Variants in MRTFB observed in about 807,000 individuals in gnomAD.
MRTFB encodes myocardin-related transcription factor B.
MRTFB carries 29 observed loss-of-function variants against 104.2 expected under a neutral mutation model. That is an observed-to-expected ratio of 0.28 (90% CI 0.21 to 0.38). The LOEUF (loss-of-function observed/expected upper bound fraction) is 0.38. Ranked by LOEUF, MRTFB falls within the 10% of genes least tolerant of loss-of-function variation. The pLI is 1.00. For missense variants in MRTFB, 1,270 were observed against 1,341.6 expected, an observed-to-expected ratio of 0.95 and a Z score of 0.83; for synonymous variants, 535 against 519.5, an observed-to-expected ratio of 1.03 and a Z score of -0.41.
chr16:14,081,808 T>C (rs2141874327), intron 2 of MRTFB, among the ~76,000 whole-genome samples: 1 of 152,226 alleles, frequency 6.6e-6, no homozygotes, highest in Middle Eastern at 3.4e-3. Flanking sequence ...TCTCAGACTC[T>C]GGGCTCAAGC....
intron 3 of MRTFB, chr16:14,186,783 G>A: frequency 2.0e-6 from 3 of 1,528,178 alleles, no homozygotes; most frequent in Non-Finnish European, 2.6e-6. Flanking sequence ...GACATAATTG[G>A]CCAGTGATTG....
At chr16:14,113,081 T>C (rs2036359180) in intron 2 of MRTFB, among the ~76,000 whole-genome samples, 1 of 152,262 alleles carries the variant, frequency 6.6e-6, no homozygotes, top group Non-Finnish European at 1.5e-5. Context: ...TTCACTCTTG[T>C]TGCCTAGGCT....
chr16:14,218,148 C>T (rs2041508312), intron 7 of MRTFB, among the ~76,000 whole-genome samples: 1 of 152,172 alleles, frequency 6.6e-6, no homozygotes, highest in Non-Finnish European at 1.5e-5. Context: ...TAAACTCTGC[C>T]TCCCGGGTTC....
intron 6 of MRTFB, 103 bp downstream of exon 6, chr16:14,213,723 C>A: frequency 2.3e-6 from 2 of 855,450 alleles, no homozygotes; most frequent in Non-Finnish European, 3.6e-6. Flanking sequence ...TTTTAACCCA[C>A]AGCCTTACTT....
At chr16:14,103,250 C>T (rs1387389785) in intron 2 of MRTFB, among the ~76,000 whole-genome samples, 2 of 152,196 alleles carry the variant, frequency 1.3e-5, no homozygotes, top group African/African-American at 4.8e-5. Context: ...TACTCATCTC[C>T]ATATCCCAGC....
chr16:14,017,669 G>GTGTA, the MRTFB span, among the ~76,000 whole-genome samples: 1 of 9,970 alleles, frequency 1.0e-4, no homozygotes, highest in Non-Finnish European at 3.3e-4. Context: ...GTGTGTATTT[G>GTGTA]TGTGTGTGTG....
intron 1 of MRTFB, 124 bp downstream of exon 1, chr16:14,071,489 C>A (rs2033686323): frequency 6.6e-6 from 1 of 152,668 alleles, no homozygotes; most frequent in Admixed American, 6.6e-5. Flanking sequence ...CCCTGTTCGT[C>A]CCCGCAGCAG....
At chr16:14,036,296 T>TTTTATATATATATATATATATATA in the MRTFB span, among the ~76,000 whole-genome samples, 2 of 98,352 alleles carry the variant, frequency 2.0e-5, no homozygotes, top group African/African-American at 3.6e-5. Context: ...TTATATATAT[T>TTTTATATATATATATATATATATA]TATATATATA....
chr16:14,058,724 T>A, the MRTFB span, among the ~76,000 whole-genome samples: 1 of 139,836 alleles, frequency 7.2e-6, no homozygotes, highest in African/African-American at 2.6e-5. Context: ...TTTTTTTTTT[T>A]TTTTTTTTTT....
At chr16:14,053,785 A>G in the MRTFB span, among the ~76,000 whole-genome samples, 4 of 151,764 alleles carry the variant, frequency 2.6e-5, no homozygotes, top group East Asian at 7.7e-4. Context: ...GGTCCTAGCT[A>G]CTCAAGAGGC....
upstream of MRTFB, among the ~76,000 whole-genome samples, chr16:14,069,335 C>G (rs1440688510): frequency 1.3e-5 from 2 of 151,072 alleles, no homozygotes; most frequent in African/African-American, 4.9e-5. Context: ...GGCCTGTAGC[C>G]TCGAACTGAG....
At chr16:14,244,282 C>T (rs760404909) in intron 10 of MRTFB, among the ~76,000 whole-genome samples, 5 of 152,128 alleles carry the variant, frequency 3.3e-5, no homozygotes, top group Non-Finnish European at 7.3e-5. Context: ...ATTTAGCCAT[C>T]CAGCTTACTC....
chr16:14,075,313 T>G (rs2033970127), intron 1 of MRTFB, among the ~76,000 whole-genome samples: 1 of 152,198 alleles, frequency 6.6e-6, no homozygotes. Context: ...GACTTGTGCT[T>G]TGCGTCTTAA....
chr16:14,086,678 G>T (rs979886195), intron 2 of MRTFB, among the ~76,000 whole-genome samples: 4 of 151,958 alleles, frequency 2.6e-5, no homozygotes, highest in African/African-American at 9.7e-5. Context: ...TTGCTTATAC[G>T]GTAGTTTTCA....
intron 1 of MRTFB, 98 bp from the exon 2 acceptor site, chr16:14,079,192 C>G: frequency 3.7e-6 from 1 of 269,402 alleles, no homozygotes; most frequent in Non-Finnish European, 7.0e-6. Flanking sequence ...TTTGTTATTT[C>G]CAGTTTATCT....
rs755459121 is a variant in MRTFB, at chr16:14,234,256, A to G, written c.804A>G (p.Ser268=). ...APVLPTNTVS[S]AKPGPALVKQ... ...TCCTCCCCACAAACACTGTGTCCTC[A>G]GCAAAGCCTGGCCCAGCACTGGTGA... The change falls in exon 9 of 17, where the codon TCA becomes TCG. Residue 268 remains serine (S), a synonymous_variant. Coordinates refer to ENST00000571589, the MANE Select transcript of MRTFB (RefSeq NM_001308142.2). 1 of 1,614,094 alleles carries G rather than the reference A, an allele frequency of 6.2e-7. No individual in the cohort carries two copies. The highest frequency in any genetic ancestry group is 8.5e-7 in the Non-Finnish European group (1 of 1,180,000).
Position 14,218,863 on chromosome 16 carries a change from A to G in MRTFB, c.558A>G (p.Ser186=). The G allele has an allele frequency of 6.2e-7, 1 of 1,611,984 alleles. No homozygotes were observed. ...EDYPHTQGDF[S]FDEDSSDALS... ...ATCCCCACACTCAGGGCGATTTCTCATTTGATGAAGACAGCAGTGACGCTT... is the reference window on the plus strand; with the variant it reads ...ATCCCCACACTCAGGGCGATTTCTCGTTTGATGAAGACAGCAGTGACGCTT... The change falls in exon 8 of 17, where the codon TCA becomes TCG. Residue 186 remains serine (S), a synonymous_variant. Coordinates refer to ENST00000571589, the MANE Select transcript of MRTFB (RefSeq NM_001308142.2).
intron 10 of MRTFB, chr16:14,241,463 T>G (rs1597354585): frequency 6.6e-6 from 1 of 152,160 alleles, no homozygotes; most frequent in East Asian, 1.9e-4. Flanking sequence ...GAAACAGAGA[T>G]AAAAATGCAA....
intron 12 of MRTFB, 109 bp downstream of exon 12, chr16:14,247,616 C>T: frequency 1.0e-6 from 1 of 990,256 alleles, no homozygotes; most frequent in Non-Finnish European, 1.4e-6. Context: ...CCAGAGCAGA[C>T]CCCACGGAGA....
Sources: gnomAD v4.1 joint callset for allele counts (sites outside exome capture counted in the v4.1 genomes callset) on GRCh38, gnomAD v4.1.1 for gene constraint, MANE v1.5 for transcripts, NCBI Gene and HGNC (gene_info 2026-07-23, HGNC 2026-07-21) for gene names.